The following SAP30L variants were observed in gnomAD, a reference collection of about 807,000 sequenced individuals.
SAP30L encodes histone deacetylase complex subunit SAP30L.
A neutral mutation model predicts 22.3 loss-of-function variants in SAP30L; 10 were observed. The ratio of observed to expected loss-of-function variants is 0.45; its 90% CI spans 0.28 to 0.76. SAP30L has a LOEUF of 0.76. Among genes scored for constraint, SAP30L ranks in the 30% least tolerant of loss-of-function variants. The pLI is 0.14. For synonymous variants in SAP30L, 91 were observed against 94.1 expected, an observed-to-expected ratio of 0.97 and a Z score of 0.19; for missense variants, 206 against 237.9, an observed-to-expected ratio of 0.87 and a Z score of 0.88.
Position 154,459,026 on chromosome 5 carries a change from A to G in SAP30L, c.*2998A>G, listed in dbSNP as rs892490219. 6.6e-6 allele frequency: 1 copy of G among 152,242 alleles called. No homozygotes were observed. Among genetic ancestry groups the G allele is most frequent in the Non-Finnish European group, 1.5e-5 (1 of 68,044 alleles). 9.4% of individuals were successfully genotyped at this position (152,242 alleles called of 1,614,324 possible). Reference sequence around the variant, plus strand: ...GTTTGCAGCTGCAGTGTTGCATCTAATTTTGGTGTTTAGGCTTTTTATTTT... The same window carrying G: ...GTTTGCAGCTGCAGTGTTGCATCTAGTTTTGGTGTTTAGGCTTTTTATTTT... On this transcript the variant is annotated 3_prime_UTR_variant, in exon 4 of 4. Coordinates refer to ENST00000297109, the MANE Select transcript of SAP30L (RefSeq NM_024632.6).
intron 1 of SAP30L, among the ~76,000 whole-genome samples, chr5:154,449,463 G>T (rs183798325): frequency 8.5e-5 from 13 of 152,114 alleles, no homozygotes; most frequent in Non-Finnish European, 1.3e-4. Flanking sequence ...CTAGGATTCC[G>T]TTATTCTATT....
intron 2 of SAP30L, chr5:154,452,537 A>G (rs1757166204): frequency 3.2e-6 from 3 of 928,766 alleles, no homozygotes; most frequent in South Asian, 5.0e-5. Context: ...TCAATTTTTC[A>G]TGACTATGCA....
At chr5:154,451,895 C>G (rs1757148364) in intron 2 of SAP30L, among the ~76,000 whole-genome samples, 1 of 152,194 alleles carries the variant, frequency 6.6e-6, no homozygotes, top group African/African-American at 2.4e-5. Flanking sequence ...TGTCTCCAGA[C>G]ATTGCCACAC....
intron 1 of SAP30L, 29 bp downstream of exon 1, chr5:154,446,834 C>G (rs1392140169): frequency 6.4e-7 from 1 of 1,567,510 alleles, no homozygotes. Flanking sequence ...GCGTCTGGGC[C>G]CCGGCGCCCC....
At position 154,446,610 on chromosome 5, in the gene SAP30L, C is replaced by T; in HGVS notation, c.6C>T (p.Asn2=). The T allele has an allele frequency of 6.7e-7, 1 of 1,484,556 alleles. No individual in the cohort carries two copies. The allele number at this position is 1,484,556 out of a possible 1,614,324, so 92.0% of individuals were successfully genotyped here. ...GACCGGCCCGGGGCGGGGAGATGAACGGCTTCAGCACGGAGGAGGACAGCC... is the reference window on the plus strand; with the variant it reads ...GACCGGCCCGGGGCGGGGAGATGAATGGCTTCAGCACGGAGGAGGACAGCC... M[N]GFSTEEDSRE... The change falls in exon 1 of 4, where the codon AAC becomes AAT. Residue 2 remains asparagine (N), a synonymous_variant. Coordinates refer to ENST00000297109, the MANE Select transcript of SAP30L (RefSeq NM_024632.6).
intron 2 of SAP30L, among the ~76,000 whole-genome samples, chr5:154,452,227 T>C (rs1354276989): frequency 6.6e-6 from 1 of 152,142 alleles, no homozygotes; most frequent in African/African-American, 2.4e-5. Context: ...GAGGAAACCG[T>C]TGAAAATCTG....
In SAP30L at chr5:154,460,662, AAC is replaced by A. The variant is rs1757355253; in HGVS notation, c.*4638_*4639del. On this transcript the variant is annotated 3_prime_UTR_variant, in exon 4 of 4. Transcript: ENST00000297109. ...TTGTTTCATCTAGCTTGCATCTTAA[AAC>A]ACAAACCCTTCAGTTGCTTTCACTT... 1.3e-5 allele frequency: 2 copies of A among 152,232 alleles called. No homozygotes were observed. Among genetic ancestry groups the A allele is most frequent in the Admixed American group, 1.3e-4 (2 of 15,276 alleles). The allele number at this position is 152,232 out of a possible 1,614,324, so 9.4% of individuals were successfully genotyped here.
rs1463084767 is a variant in SAP30L, at chr5:154,446,481, G to A, written c.-124G>A. The A allele has an allele frequency of 1.3e-6, 1 of 796,586 alleles. No homozygotes were observed. The highest frequency in any genetic ancestry group is 1.8e-6 in the Non-Finnish European group (1 of 560,726). The allele number at this position is 796,586 out of a possible 1,614,324, so 49.3% of individuals were successfully genotyped here. On this transcript the variant is annotated 5_prime_UTR_variant, in exon 1 of 4. Coordinates refer to ENST00000297109, the MANE Select transcript of SAP30L (RefSeq NM_024632.6). ...TCGGACGCGGGGCAGGGCAGCGCCCGGGCTGGAGACGGACTCTGGGACCCT... is the reference window on the plus strand; with the variant it reads ...TCGGACGCGGGGCAGGGCAGCGCCCAGGCTGGAGACGGACTCTGGGACCCT...
rs914319832 is a variant in SAP30L at position 154,446,516 on chromosome 5, G to C, written c.-89G>C. On this transcript the variant is annotated 5_prime_UTR_variant, in exon 1 of 4. Transcript: ENST00000297109. Reference sequence around the variant, plus strand: ...CGGACTCTGGGACCCTCGGCTGCGGGGGTCTCAGCGACCTGCCCCGCGGCA... The same window carrying C: ...CGGACTCTGGGACCCTCGGCTGCGGCGGTCTCAGCGACCTGCCCCGCGGCA... The C allele has an allele frequency of 3.0e-5, 33 of 1,104,828 alleles. No homozygotes were observed. Among genetic ancestry groups the C allele is most frequent in the Non-Finnish European group, 3.9e-5 (32 of 828,234 alleles). The allele number at this position is 1,104,828 out of a possible 1,614,324, so 68.4% of individuals were successfully genotyped here. A position where few individuals can be genotyped will look rare whatever the true frequency, so the allele number is the denominator to read the frequency against.
intron 1 of SAP30L, among the ~76,000 whole-genome samples, chr5:154,449,349 C>T (rs539199368): frequency 4.6e-4 from 70 of 152,254 alleles, no homozygotes; most frequent in African/African-American, 1.5e-3. Context: ...CCTGGGTGAC[C>T]TTGGCCAGGT....
intron 3 of SAP30L, among the ~76,000 whole-genome samples, chr5:154,454,838 G>C (rs990136821): frequency 1.3e-5 from 2 of 152,164 alleles, no homozygotes; most frequent in Admixed American, 6.5e-5. Context: ...TGTCTTTCAG[G>C]AGGCAGTTAT....
chr5:154,447,147 G>A (rs1757035632), intron 1 of SAP30L, among the ~76,000 whole-genome samples: 1 of 152,242 alleles, frequency 6.6e-6, no homozygotes, highest in Non-Finnish European at 1.5e-5. Context: ...TCGGAGCGGG[G>A]AGTGATGAAG....
At position 154,446,814 on chromosome 5, in the gene SAP30L, G is replaced by GC; in HGVS notation, c.201+14dup. On this transcript the variant is annotated intron_variant, in intron 1 of 3. Transcript: ENST00000297109. Reference sequence around the variant, plus strand: ...TGGACATCGACAAGAGCGTGAGTCCGCCCCCGCTCGCGTCTGGGCCCCGGC... The same window carrying GC: ...TGGACATCGACAAGAGCGTGAGTCCGCCCCCCGCTCGCGTCTGGGCCCCGGC... 1.3e-6 allele frequency: 2 copies of GC among 1,597,274 alleles called. No individual in the cohort carries two copies. The highest frequency in any genetic ancestry group is 1.7e-6 in the Non-Finnish European group (2 of 1,172,842).
rs368222071 is a variant in SAP30L, at chr5:154,453,520, C to G, written c.423+20C>G. 1.3e-6 allele frequency: 2 copies of G among 1,512,522 alleles called. No individual in the cohort carries two copies. Among genetic ancestry groups the G allele is most frequent in the South Asian group, 1.1e-5 (1 of 88,990 alleles). 93.7% of individuals were successfully genotyped at this position (1,512,522 alleles called of 1,614,324 possible). A position where few individuals can be genotyped will look rare whatever the true frequency, so the allele number is the denominator to read the frequency against. On this transcript the variant is annotated intron_variant, in intron 3 of 3. Transcript: ENST00000297109. ...GCAGAAGTAGGTAGACAAAATTGCCCTCTAAAGAGAGCCAGCATTGTGCTG... is the reference window on the plus strand; with the variant it reads ...GCAGAAGTAGGTAGACAAAATTGCCGTCTAAAGAGAGCCAGCATTGTGCTG...
chr5:154,460,355 A>G lies in SAP30L; in HGVS notation c.*4327A>G, dbSNP rs1014727945. On this transcript the variant is annotated 3_prime_UTR_variant, in exon 4 of 4. Transcript: ENST00000297109. ...GCTTGGTCTGTGATCTCTTGGTCAGATATCTGCCTTCCAGGCGATCCTTTG... is the reference window on the plus strand; with the variant it reads ...GCTTGGTCTGTGATCTCTTGGTCAGGTATCTGCCTTCCAGGCGATCCTTTG... 2.0e-5 allele frequency: 3 copies of G among 152,274 alleles called. No homozygotes were observed. Among genetic ancestry groups the G allele is most frequent in the Admixed American group, 1.3e-4 (2 of 15,286 alleles). 9.4% of individuals were successfully genotyped at this position (152,274 alleles called of 1,614,324 possible).
chr5:154,455,979 A>G lies in SAP30L; in HGVS notation c.503A>G (p.Asn168Ser), dbSNP rs1336709416. The stretch of plus-strand genomic sequence containing the variant: ...TACTTCATCTACATGGTGAAGAGTA[A>G]CAAGAGTAGACTGGACCAGAAATCG... ...LAYFIYMVKSNKSRLDQKSEG... is the reference protein window; with the variant it reads ...LAYFIYMVKSSKSRLDQKSEG... Residue 168 changes from asparagine to serine, a missense_variant, in exon 4 of 4, where the codon AAC (asparagine) becomes AGC (serine). Physicochemically the swap from Asn to Ser is conservative, Grantham distance 46. Coordinates refer to ENST00000297109, the MANE Select transcript of SAP30L (RefSeq NM_024632.6). The G allele has an allele frequency of 6.2e-7, 1 of 1,614,134 alleles. No homozygotes were observed. Among genetic ancestry groups the G allele is most frequent in the East Asian group, 2.2e-5 (1 of 44,884 alleles).
chr5:154,455,321 C>T (rs1036640081), intron 3 of SAP30L, among the ~76,000 whole-genome samples: 5 of 152,122 alleles, frequency 3.3e-5, no homozygotes, highest in African/African-American at 1.2e-4. Context: ...CTCAAGTGAT[C>T]CTCCCACCTC....
At chr5:154,452,425 C>T (rs1757163469) in intron 2 of SAP30L, 7 of 974,100 alleles carry the variant, frequency 7.2e-6, no homozygotes, top group African/African-American at 1.8e-5. Flanking sequence ...GACTTTGGCC[C>T]CTCATATTGA....
chr5:154,449,904 A>G (rs1291433378), intron 1 of SAP30L, among the ~76,000 whole-genome samples: 1 of 152,218 alleles, frequency 6.6e-6, no homozygotes, highest in Non-Finnish European at 1.5e-5. Context: ...TAAACTTAAA[A>G]GTACTTATGA....
Sources: allele counts gnomAD v4.1 joint callset (sites outside exome capture counted in the v4.1 genomes callset), GRCh38; gene constraint gnomAD v4.1.1; transcripts MANE v1.5; gene names NCBI Gene and HGNC (gene_info 2026-07-23, HGNC 2026-07-21).